The following TRPC4 variants were observed in gnomAD, a reference collection of about 807,000 sequenced individuals.
TRPC4 encodes the protein transient receptor potential cation channel subfamily C member 4.
A neutral mutation model predicts 99.4 loss-of-function variants in TRPC4; 49 were observed. That is an observed-to-expected ratio of 0.49 (90% CI 0.39 to 0.63). The LOEUF (loss-of-function observed/expected upper bound fraction) is 0.63. TRPC4 is among the 20% of genes least tolerant of loss of function. The pLI is 0.00. For synonymous variants in TRPC4, 454 were observed against 425.9 expected, an observed-to-expected ratio of 1.07 and a Z score of -0.81; for missense variants, 898 against 1,152.9, an observed-to-expected ratio of 0.78 and a Z score of 3.20.
At chr13:37,715,025 C>T (rs1954612991) in intron 3 of TRPC4, among the ~76,000 whole-genome samples, 1 of 152,158 alleles carries the variant, frequency 6.6e-6, no homozygotes, top group Admixed American at 6.6e-5. Context: ...TATGTGTGTG[C>T]ATAAATAAAT....
intron 1 of TRPC4, among the ~76,000 whole-genome samples, chr13:37,796,968 A>ATAAAATAAAATAAAATAAAGTAAAG (rs1555273561): frequency 1.7e-3 from 200 of 115,064 alleles, no homozygotes; most frequent in African/African-American, 4.9e-3. Context: ...ATAAAATAAA[A>ATAAAATAAAATAAAATAAAGTAAAG]TAAAGTAAAG....
At chr13:37,801,832 T>C (rs1593776179) in intron 1 of TRPC4, among the ~76,000 whole-genome samples, 2 of 152,134 alleles carry the variant, frequency 1.3e-5, no homozygotes, top group African/African-American at 4.8e-5. Context: ...TTGAGCTGGA[T>C]TTTGAAGGAT....
At chr13:37,760,142 T>A (rs1442744607) in intron 2 of TRPC4, among the ~76,000 whole-genome samples, 1 of 151,990 alleles carries the variant, frequency 6.6e-6, no homozygotes, top group East Asian at 1.9e-4. Context: ...CTACTTTCTA[T>A]CAGACATTGT....
At chr13:37,721,821 C>T (rs1314250968) in intron 3 of TRPC4, among the ~76,000 whole-genome samples, 2 of 152,020 alleles carry the variant, frequency 1.3e-5, no homozygotes, top group East Asian at 3.9e-4. Context: ...TATGGGTATA[C>T]ACATGGAGTT....
intron 2 of TRPC4, among the ~76,000 whole-genome samples, chr13:37,765,208 C>T (rs986640534): frequency 2.6e-5 from 4 of 151,346 alleles, no homozygotes; most frequent in African/African-American, 9.7e-5. Flanking sequence ...TCAAATCTAT[C>T]AGTGTCTTTT....
At chr13:37,716,916 A>C (rs953798536) in intron 3 of TRPC4, among the ~76,000 whole-genome samples, 1 of 151,936 alleles carries the variant, frequency 6.6e-6, no homozygotes, top group Non-Finnish European at 1.5e-5. Flanking sequence ...TTGATATAGG[A>C]GACTAAGAGA....
At chr13:37,827,337 T>A (rs986061299) in intron 1 of TRPC4, among the ~76,000 whole-genome samples, 5 of 152,172 alleles carry the variant, frequency 3.3e-5, no homozygotes, top group Admixed American at 6.5e-5. Flanking sequence ...CCTTTCGAGG[T>A]GGAGAGGCGC....
intron 4 of TRPC4, among the ~76,000 whole-genome samples, chr13:37,688,537 G>A (rs1953570286): frequency 6.6e-6 from 1 of 152,110 alleles, no homozygotes; most frequent in Non-Finnish European, 1.5e-5. Context: ...GATAAACATG[G>A]ACATTTATGA....
intron 3 of TRPC4, among the ~76,000 whole-genome samples, chr13:37,706,375 A>C (rs1025420796): frequency 2.4e-4 from 37 of 152,116 alleles, no homozygotes; most frequent in Non-Finnish European, 5.0e-4. Context: ...TCTTAACATA[A>C]TGTGAAATAG....
chr13:37,842,195 A>G (rs1958749655), intron 1 of TRPC4, among the ~76,000 whole-genome samples: 1 of 150,562 alleles, frequency 6.6e-6, no homozygotes. Context: ...GCATGAACCC[A>G]GGAGGCAGAG....
At chr13:37,752,375 A>T (rs916968692) in intron 2 of TRPC4, among the ~76,000 whole-genome samples, 1 of 151,782 alleles carries the variant, frequency 6.6e-6, no homozygotes, top group South Asian at 2.1e-4. Flanking sequence ...CACATGACAC[A>T]TCGATTTATT....
intron 1 of TRPC4, among the ~76,000 whole-genome samples, chr13:37,856,643 G>A (rs149742876): frequency 6.9e-4 from 104 of 151,468 alleles, no homozygotes; most frequent in East Asian, 5.8e-4. Flanking sequence ...CAAAATATGA[G>A]CAAACTGAAT....
rs577031656 is a variant in TRPC4, at chr13:37,791,351, G to A, written c.-27-7991C>T. ...GTGGAGGTTGCAGTGAGCCGATATC[G>A]TGCCACTACACTCCAGCCTGGGCAA... On this transcript the variant is annotated intron_variant, in intron 1 of 10. Transcript: ENST00000379705. 2.7e-5 allele frequency among the ~76,000 whole-genome samples: 4 copies of A among 147,862 alleles called. No individual in the cohort carries two copies. The South Asian group carries it at 6.4e-4, about 24-fold the overall frequency.
chr13:37,715,060 T>C (rs1479609333), intron 3 of TRPC4, among the ~76,000 whole-genome samples: 1 of 152,226 alleles, frequency 6.6e-6, no homozygotes, highest in Non-Finnish European at 1.5e-5. Context: ...AGATACTTAT[T>C]GCACCTCTCC....
At chr13:37,652,173 T>A (rs952807550) in intron 7 of TRPC4, among the ~76,000 whole-genome samples, 13 of 152,232 alleles carry the variant, frequency 8.5e-5, no homozygotes, top group African/African-American at 3.1e-4. Context: ...GGCAATTAGA[T>A]TTGGGACAGC....
intron 1 of TRPC4, among the ~76,000 whole-genome samples, chr13:37,848,942 C>T (rs1192453846): frequency 6.6e-6 from 1 of 152,140 alleles, no homozygotes; most frequent in South Asian, 2.1e-4. Flanking sequence ...TCAAAACTAT[C>T]TTGAGTATAG....
At chr13:37,743,403 G>A (rs1379133112) in intron 3 of TRPC4, among the ~76,000 whole-genome samples, 1 of 152,098 alleles carries the variant, frequency 6.6e-6, no homozygotes, top group African/African-American at 2.4e-5. Context: ...TGGGATTAGA[G>A]TTATGGCTTT....
chr13:37,675,661 G>A (rs562833069), intron 4 of TRPC4, among the ~76,000 whole-genome samples: 2 of 152,312 alleles, frequency 1.3e-5, no homozygotes, highest in Admixed American at 1.3e-4. Flanking sequence ...CTGAGCCTCA[G>A]GTTTACAGCA....
chr13:37,831,637 A>C (rs1371522909), intron 1 of TRPC4, among the ~76,000 whole-genome samples: 1 of 152,256 alleles, frequency 6.6e-6, no homozygotes, highest in Non-Finnish European at 1.5e-5. Flanking sequence ...ACCTAAGTGT[A>C]TATAAATGGA....
Sources: allele counts gnomAD v4.1 joint callset (sites outside exome capture counted in the v4.1 genomes callset), GRCh38; gene constraint gnomAD v4.1.1; transcripts MANE v1.5; gene names NCBI Gene and HGNC (gene_info 2026-07-23, HGNC 2026-07-21).